NALF1: variants seen among roughly 807,000 people sequenced by gnomAD.
The protein encoded by NALF1 is NALCN channel auxiliary factor 1, also known as family with sequence similarity 155 member A.
A neutral mutation model predicts 48.4 loss-of-function variants in NALF1; 3 were observed. The ratio of observed to expected loss-of-function variants is 0.06; its 90% CI spans 0.03 to 0.16. The LOEUF is 0.16. Among genes scored for constraint, NALF1 ranks in the 10% least tolerant of loss-of-function variants. NALF1 has a pLI of 1.00. For synonymous variants in NALF1, 262 were observed against 245.7 expected (o/e 1.07, Z -0.62); for missense variants, 526 against 571.5 (o/e 0.92, Z 0.81).
At chr13:107,736,594 C>T (rs1876475378) in intron 1 of NALF1, among the ~76,000 whole-genome samples, 1 of 152,184 alleles carries the variant, frequency 6.6e-6, no homozygotes, top group African/African-American at 2.4e-5. Flanking sequence ...TTATATTTTA[C>T]ACTCCCACTG....
intron 1 of NALF1, among the ~76,000 whole-genome samples, chr13:107,365,529 G>C (rs574533495): frequency 6.6e-6 from 1 of 152,272 alleles, no homozygotes; most frequent in East Asian, 1.9e-4. Flanking sequence ...AAGCAGAAAA[G>C]AACAACACAT....
intron 1 of NALF1, among the ~76,000 whole-genome samples, chr13:107,357,737 A>C (rs1478857670): frequency 6.6e-5 from 10 of 152,242 alleles, no homozygotes; most frequent in Non-Finnish European, 5.9e-5. Context: ...AAGAGCTGAA[A>C]CATAATCTGG....
intron 1 of NALF1, among the ~76,000 whole-genome samples, chr13:107,376,988 T>A (rs935638694): frequency 6.6e-6 from 1 of 152,172 alleles, no homozygotes; most frequent in African/African-American, 2.4e-5. Flanking sequence ...TCTGGCCGCA[T>A]TTAATGCCAA....
intron 1 of NALF1, among the ~76,000 whole-genome samples, chr13:107,717,908 T>G (rs1875868989): frequency 1.3e-5 from 2 of 152,122 alleles, no homozygotes; most frequent in South Asian, 4.2e-4. Flanking sequence ...AATTTTTAGC[T>G]CTTTCTTTTT....
intron 1 of NALF1, among the ~76,000 whole-genome samples, chr13:107,399,772 G>A (rs1883773461): frequency 6.6e-6 from 1 of 152,078 alleles, no homozygotes; most frequent in African/African-American, 2.4e-5. Flanking sequence ...TAAAATATCT[G>A]TTTAACAGTT....
At chr13:107,263,875 T>A (rs973896633) in intron 1 of NALF1, among the ~76,000 whole-genome samples, 2 of 152,162 alleles carry the variant, frequency 1.3e-5, no homozygotes, top group African/African-American at 4.8e-5. Flanking sequence ...ATTAAAAACA[T>A]GTTGGATAAA....
intron 1 of NALF1, among the ~76,000 whole-genome samples, chr13:107,747,968 T>C (rs914950856): frequency 1.3e-5 from 2 of 152,210 alleles, no homozygotes; most frequent in Admixed American, 6.5e-5. Flanking sequence ...CCATTCTGAT[T>C]ACTAATAAGG....
At chr13:107,732,193 C>T (rs1043037397) in intron 1 of NALF1, among the ~76,000 whole-genome samples, 2 of 151,916 alleles carry the variant, frequency 1.3e-5, no homozygotes, top group South Asian at 2.1e-4. Context: ...ACTATATATA[C>T]TATGTATAAT....
At position 107,271,814 on chromosome 13, in the gene NALF1, A is replaced by ATTTATT. The variant is rs1555329805; in HGVS notation, c.916-61060_916-61059insAATAAA. 4.0e-3 allele frequency among the ~76,000 whole-genome samples: 411 copies of ATTTATT among 102,438 alleles called. 7 individuals are homozygous for ATTTATT. Among genetic ancestry groups the ATTTATT allele is most frequent in the Middle Eastern group, 9.3e-3 (2 of 216 alleles). The allele number at this position is 102,438 out of a possible 152,430, so 67.2% of individuals were successfully genotyped here. ...TATATATATATATATATATATATAT[A>ATTTATT]TATTTATATATTTATATATACAAAT... On this transcript the variant is annotated intron_variant, in intron 1 of 2. Coordinates refer to ENST00000375915, the MANE Select transcript of NALF1 (RefSeq NM_001080396.3).
intron 1 of NALF1, among the ~76,000 whole-genome samples, chr13:107,616,127 T>C (rs1032508135): frequency 1.6e-4 from 25 of 152,196 alleles, no homozygotes; most frequent in Non-Finnish European, 5.9e-5. Flanking sequence ...AATTAATACC[T>C]GCATAAACAA....
At chr13:107,458,164 A>G (rs1257053681) in intron 1 of NALF1, among the ~76,000 whole-genome samples, 1 of 152,236 alleles carries the variant, frequency 6.6e-6, no homozygotes, top group Non-Finnish European at 1.5e-5. Context: ...TAGAAAATAA[A>G]GAAACAGTAT....
At chr13:107,609,210 G>A (rs1053200348) in intron 1 of NALF1, among the ~76,000 whole-genome samples, 4 of 152,192 alleles carry the variant, frequency 2.6e-5, no homozygotes, top group Non-Finnish European at 4.4e-5. Context: ...CAGAGGGGCT[G>A]TCCTCTAGAA....
intron 1 of NALF1, among the ~76,000 whole-genome samples, chr13:107,740,836 A>T (rs1052242558): frequency 2.6e-5 from 4 of 152,206 alleles, no homozygotes; most frequent in African/African-American, 9.6e-5. Flanking sequence ...TGGAATCTCC[A>T]TTGGAAGGAA....
intron 1 of NALF1, among the ~76,000 whole-genome samples, chr13:107,453,963 T>C (rs750477874): frequency 2.0e-5 from 3 of 152,180 alleles, no homozygotes; most frequent in Non-Finnish European, 4.4e-5. Flanking sequence ...GCCACCAGTC[T>C]CCTTGCTATA....
intron 1 of NALF1, among the ~76,000 whole-genome samples, chr13:107,536,365 C>T (rs1351397198): frequency 7.9e-5 from 12 of 152,114 alleles, no homozygotes; most frequent in Non-Finnish European, 1.8e-4. Context: ...CTACAATGAA[C>T]TCAAACAAAT....
intron 1 of NALF1, among the ~76,000 whole-genome samples, chr13:107,520,756 A>G (rs532766139): frequency 7.2e-5 from 11 of 152,276 alleles, no homozygotes; most frequent in Non-Finnish European, 2.9e-5. Flanking sequence ...TTGCATCACC[A>G]TCCACTAAAT....
At chr13:107,650,617 T>C (rs1423291788) in intron 1 of NALF1, among the ~76,000 whole-genome samples, 13 of 151,792 alleles carry the variant, frequency 8.6e-5, no homozygotes, top group African/African-American at 2.7e-4. Context: ...AAACTGCAAA[T>C]ATGGTGTGGT....
intron 1 of NALF1, among the ~76,000 whole-genome samples, chr13:107,395,857 G>A (rs958489933): frequency 9.9e-5 from 15 of 151,868 alleles, no homozygotes; most frequent in East Asian, 7.8e-4. Context: ...TAAGGTTGCC[G>A]ATCATATTGG....
chr13:107,305,837 C>T (rs1489502679), intron 1 of NALF1, among the ~76,000 whole-genome samples: 3 of 152,192 alleles, frequency 2.0e-5, no homozygotes. Flanking sequence ...CAGTGGCTGA[C>T]TCTGGAGGTT....
Sources: gnomAD v4.1 joint callset for allele counts (sites outside exome capture counted in the v4.1 genomes callset) on GRCh38, gnomAD v4.1.1 for gene constraint, MANE v1.5 for transcripts, NCBI Gene and HGNC (gene_info 2026-07-23, HGNC 2026-07-21) for gene names.